The following DIAPH1 variants were observed in gnomAD, a reference collection of about 807,000 sequenced individuals.
The protein encoded by DIAPH1 is protein diaphanous homolog 1.
DIAPH1 carries 46 observed loss-of-function variants against 140.7 expected under a neutral mutation model. The ratio of observed to expected loss-of-function variants is 0.33; its 90% CI spans 0.26 to 0.42. The LOEUF is 0.42. Ranked by LOEUF, DIAPH1 falls within the 10% of genes least tolerant of loss-of-function variation. DIAPH1 has a pLI of 1.00. For synonymous variants in DIAPH1, 565 were observed against 551.6 expected (o/e 1.02, Z -0.34); for missense variants, 1,310 against 1,558.7 (o/e 0.84, Z 2.69).
At chr5:141,611,423 G>A (rs1481782040) in intron 1 of DIAPH1, among the ~76,000 whole-genome samples, 1 of 152,150 alleles carries the variant, frequency 6.6e-6, no homozygotes, top group East Asian at 1.9e-4. Flanking sequence ...GCCAGAAGTG[G>A]TGACACACGC....
chr5:141,608,562 CT>C (rs2099901304), intron 1 of DIAPH1, among the ~76,000 whole-genome samples: 1 of 152,222 alleles, frequency 6.6e-6, no homozygotes, highest in Non-Finnish European at 1.5e-5. Flanking sequence ...AGTCTCATGA[CT>C]TCTTGGTCAG....
intron 1 of DIAPH1, among the ~76,000 whole-genome samples, chr5:141,608,710 A>C (rs2099901331): frequency 6.6e-6 from 1 of 152,204 alleles, no homozygotes; most frequent in Non-Finnish European, 1.5e-5. Context: ...ATTATTAACC[A>C]CTGGCAAATA....
chr5:141,597,605 G>C (rs544266220), intron 1 of DIAPH1, among the ~76,000 whole-genome samples: 1 of 152,060 alleles, frequency 6.6e-6, no homozygotes, highest in Non-Finnish European at 1.5e-5. Context: ...GAAATCCCGG[G>C]GATAAAGGTT....
At position 141,600,756 on chromosome 5, in the gene DIAPH1, T is replaced by C. The variant is rs189556994; in HGVS notation, c.118-12506A>G. ...TTCTTGTAAAATACACACCTGAAGA[T>C]AGACTAGTGGATGCTTTATGCCAAC... On this transcript the variant is annotated intron_variant, in intron 1 of 27. Coordinates refer to ENST00000389054, the MANE Select transcript of DIAPH1 (RefSeq NM_005219.5). Among the ~76,000 whole-genome samples, 55 of 152,326 alleles carry C rather than the reference T, an allele frequency of 3.6e-4. No homozygotes were observed. In the East Asian group the frequency reaches 0.01, roughly 28 times the overall value.
intron 1 of DIAPH1, among the ~76,000 whole-genome samples, chr5:141,595,981 G>C (rs1259135084): frequency 6.6e-6 from 1 of 151,972 alleles, no homozygotes; most frequent in East Asian, 1.9e-4. Flanking sequence ...CCCAGGAGTT[G>C]GAGACCAGCC....
intron 18 of DIAPH1, among the ~76,000 whole-genome samples, chr5:141,567,269 T>C (rs2099894521): frequency 6.6e-6 from 1 of 152,060 alleles, no homozygotes; most frequent in South Asian, 2.1e-4. Flanking sequence ...GCAGTTTAGG[T>C]TCCTTTTTTA....
At chr5:141,568,477 A>G (rs1225217256) in intron 18 of DIAPH1, among the ~76,000 whole-genome samples, 1 of 152,230 alleles carries the variant, frequency 6.6e-6, no homozygotes, top group African/African-American at 2.4e-5. Context: ...TAACTGAGTA[A>G]GTAAATACCT....
rs571188882 is a variant in DIAPH1 at position 141,515,752 on chromosome 5, G to A, written c.*1099C>T. 5.3e-5 allele frequency: 8 copies of A among 152,272 alleles called. No individual in the cohort carries two copies. The highest frequency in any genetic ancestry group is 8.8e-5 in the Non-Finnish European group (6 of 68,042). 9.4% of individuals were successfully genotyped at this position (152,272 alleles called of 1,614,324 possible). A position where few individuals can be genotyped will look rare whatever the true frequency, so the allele number is the denominator to read the frequency against. On this transcript the variant is annotated 3_prime_UTR_variant, in exon 28 of 28. Coordinates refer to ENST00000389054, the MANE Select transcript of DIAPH1 (RefSeq NM_005219.5). Reference sequence around the variant, plus strand: ...CCAGAGAAGGGGTTCCTCCTGTGTCGGATTCCCTGGGAGAGAGGATCTGCC... The same window carrying A: ...CCAGAGAAGGGGTTCCTCCTGTGTCAGATTCCCTGGGAGAGAGGATCTGCC...
intron 1 of DIAPH1, among the ~76,000 whole-genome samples, chr5:141,603,956 G>T (rs2099900544): frequency 1.3e-5 from 2 of 152,186 alleles, no homozygotes; most frequent in Admixed American, 6.6e-5. Context: ...GGCCACGCTG[G>T]TATCACTATT....
intron 1 of DIAPH1, among the ~76,000 whole-genome samples, chr5:141,617,511 T>A (rs529833152): frequency 6.6e-6 from 1 of 152,334 alleles, no homozygotes; most frequent in South Asian, 2.1e-4. Context: ...CCTGTTTCCA[T>A]CGCTTTATCA....
intron 1 of DIAPH1, among the ~76,000 whole-genome samples, chr5:141,617,034 A>C (rs535963713): frequency 7.9e-5 from 12 of 152,384 alleles, no homozygotes; most frequent in Non-Finnish European, 1.5e-4. Flanking sequence ...AATTCTACTC[A>C]AGACATGAAA....
chr5:141,605,919 G>A (rs1275081773), intron 1 of DIAPH1, among the ~76,000 whole-genome samples: 2 of 152,090 alleles, frequency 1.3e-5, no homozygotes, highest in Non-Finnish European at 2.9e-5. Flanking sequence ...CCTGGCGGAT[G>A]CAAAGAGCTG....
At chr5:141,567,824 T>C (rs976828606) in intron 18 of DIAPH1, among the ~76,000 whole-genome samples, 3 of 152,236 alleles carry the variant, frequency 2.0e-5, no homozygotes, top group African/African-American at 7.2e-5. Flanking sequence ...CAGGTAAACC[T>C]ATCTGTTACG....
intron 18 of DIAPH1, chr5:141,535,994 G>A: frequency 6.4e-6 from 3 of 469,632 alleles, no homozygotes; most frequent in Non-Finnish European, 1.3e-5. Context: ...AAGGTACAAA[G>A]AACTATAAAA....
In DIAPH1 at chr5:141,578,631, A is replaced by G. The variant is rs772759927; in HGVS notation, c.934-6T>C. On this transcript the variant is annotated splice_region_variant and splice_polypyrimidine_tract_variant and intron_variant, in intron 9 of 27. Coordinates refer to ENST00000389054, the MANE Select transcript of DIAPH1 (RefSeq NM_005219.5). ...ATCAGCTGTAGGCATCCAACCTAAA[A>G]TAAGAAAATTCAGCAGCTATGTCAA... 1.9e-6 allele frequency: 3 copies of G among 1,610,634 alleles called. No individual in the cohort carries two copies. Among genetic ancestry groups the G allele is most frequent in the Non-Finnish European group, 2.5e-6 (3 of 1,178,048 alleles).
intron 18 of DIAPH1, among the ~76,000 whole-genome samples, chr5:141,555,232 T>G (rs2099892381): frequency 6.6e-6 from 1 of 152,248 alleles, no homozygotes. Flanking sequence ...TAACATAGTG[T>G]GATAATGTAA....
chr5:141,566,649 C>A (rs1484900626), intron 18 of DIAPH1, among the ~76,000 whole-genome samples: 1 of 152,160 alleles, frequency 6.6e-6, no homozygotes, highest in Non-Finnish European at 1.5e-5. Context: ...AATCCCAGCA[C>A]TTTGGGAGGC....
chr5:141,582,115 T>C (rs1033286699), intron 7 of DIAPH1, 197 bp downstream of exon 7: 5 of 347,996 alleles, frequency 1.4e-5, no homozygotes, highest in Non-Finnish European at 2.7e-5. Context: ...GAGCCTGTCC[T>C]CTGAAACAGA....
rs757052291 is a variant in DIAPH1 at position 141,527,699 on chromosome 5, T to TG, written c.3149-3_3149-2insC. On this transcript the variant is annotated splice_polypyrimidine_tract_variant and splice_region_variant and intron_variant, in intron 23 of 27. Transcript: ENST00000389054. ...TCTTTTGCAAGTTTTCAGCAGAAAC[T>TG]AAAAAAAAAAAAAAAAAAAAAAACC... 3 of 1,132,610 alleles carry TG rather than the reference T, an allele frequency of 2.6e-6. No homozygotes were observed. The highest frequency in any genetic ancestry group is 3.4e-6 in the Non-Finnish European group (3 of 892,576). 70.2% of individuals were successfully genotyped at this position (1,132,610 alleles called of 1,614,324 possible).
Sources: allele counts gnomAD v4.1 joint callset (sites outside exome capture counted in the v4.1 genomes callset), GRCh38; gene constraint gnomAD v4.1.1; transcripts MANE v1.5; gene names NCBI Gene and HGNC (gene_info 2026-07-23, HGNC 2026-07-21).